Variants in FAT3 observed in about 807,000 individuals in gnomAD.
The protein encoded by FAT3 is protocadherin Fat 3.
In FAT3, 95 loss-of-function variants were observed where a neutral mutation model predicts 310.2. The ratio of observed to expected loss-of-function variants is 0.31; its 90% CI spans 0.26 to 0.36. FAT3 has a LOEUF of 0.36. FAT3 is among the 10% of genes least tolerant of loss of function. The pLI is 1.00. For synonymous variants in FAT3, 2,314 were observed against 2,192.9 expected (o/e 1.06, Z -1.54); for missense variants, 5,408 against 5,715.6 (o/e 0.95, Z 1.74).
At chr11:92,489,514 G>A (rs932984520) in intron 2 of FAT3, among the ~76,000 whole-genome samples, 1 of 152,002 alleles carries the variant, frequency 6.6e-6, no homozygotes, top group Admixed American at 6.6e-5. Context: ...GCCTCTATAC[G>A]ATAGTTTGTT....
At chr11:92,632,261 G>A (rs756348939) in intron 3 of FAT3, among the ~76,000 whole-genome samples, 15 of 152,072 alleles carry the variant, frequency 9.9e-5, no homozygotes, top group Non-Finnish European at 1.9e-4. Flanking sequence ...GGCACAGTAT[G>A]GATAATTTAA....
At chr11:92,727,793 C>T (rs1945042608) in intron 4 of FAT3, among the ~76,000 whole-genome samples, 1 of 152,220 alleles carries the variant, frequency 6.6e-6, no homozygotes, top group Non-Finnish European at 1.5e-5. Flanking sequence ...CCATGTGCTT[C>T]TCTCTCACGG....
intron 3 of FAT3, among the ~76,000 whole-genome samples, chr11:92,594,390 C>T (rs150645451): frequency 0.016 from 2,381 of 152,212 alleles, 60 homozygotes; most frequent in African/African-American, 0.054. Flanking sequence ...TGCAGTGAGC[C>T]AAGATTGCAC....
At chr11:92,594,359 C>A (rs1939596360) in intron 3 of FAT3, among the ~76,000 whole-genome samples, 1 of 152,152 alleles carries the variant, frequency 6.6e-6, no homozygotes, top group African/African-American at 2.4e-5. Flanking sequence ...AGGAGAATCA[C>A]TGAACCCAGG....
intron 3 of FAT3, among the ~76,000 whole-genome samples, chr11:92,630,213 C>T (rs1278443737): frequency 3.3e-5 from 5 of 152,154 alleles, no homozygotes; most frequent in Admixed American, 6.5e-5. Flanking sequence ...CTTTGGAATT[C>T]CTTGCCCCTT....
intron 22 of FAT3, among the ~76,000 whole-genome samples, chr11:92,879,044 T>C (rs1949608525): frequency 6.6e-6 from 1 of 151,334 alleles, no homozygotes; most frequent in Admixed American, 6.6e-5. Flanking sequence ...TCCAAGATGT[T>C]AAAGAGAGGG....
At chr11:92,850,783 A>G (rs1179026402) in intron 19 of FAT3, among the ~76,000 whole-genome samples, 4 of 152,228 alleles carry the variant, frequency 2.6e-5, no homozygotes, top group Non-Finnish European at 4.4e-5. Context: ...GACTTAATCC[A>G]GGGGGCTGCG....
In FAT3 at chr11:92,805,229, C is replaced by T. The variant is rs2136199296; in HGVS notation, c.8973C>T (p.Asp2991=). 1 of 1,613,854 alleles carries T rather than the reference C, an allele frequency of 6.2e-7. No individual in the cohort carries two copies. Among genetic ancestry groups the T allele is most frequent in the South Asian group, 1.1e-5 (1 of 91,072 alleles). Residue 2991 remains aspartate (D), a synonymous_variant, in exon 11 of 28, where the codon GAC becomes GAT. Transcript: ENST00000525166. ...AGGTCTATGTGAAGAGGCCTCTAGA[C>T]AGAGAAGAACAGGACATTTACTTTC... ...EWKVYVKRPL[D]REEQDIYFLN... is the part of the protein sequence containing the mutation.
intron 3 of FAT3, among the ~76,000 whole-genome samples, chr11:92,626,392 G>A (rs962650803): frequency 6.6e-6 from 1 of 151,900 alleles, no homozygotes; most frequent in Admixed American, 6.6e-5. Flanking sequence ...ATAATTTAAT[G>A]TACCAATTTT....
rs1157297135 is a variant in FAT3, at chr11:92,890,859, G to A, written c.13516G>A (p.Val4506Met). ...CCCATTCCCCAACGAAACGGATTTGGTGGGCCCGCCTGCCAGCTGTGAATT... is the reference window on the plus strand; with the variant it reads ...CCCATTCCCCAACGAAACGGATTTGATGGGCCCGCCTGCCAGCTGTGAATT... ...PHPFPNETDL[V>M]GPPASCEFST... The change falls in exon 28 of 28, where the codon GTG (valine) becomes ATG (methionine). Residue 4506 changes from valine (V) to methionine (M), a missense_variant. By Grantham distance (21) the Val-to-Met change is conservative (BLOSUM62 1). Coordinates refer to ENST00000525166, the MANE Select transcript of FAT3 (RefSeq NM_001367949.2). 1 of 1,612,476 alleles carries A rather than the reference G, an allele frequency of 6.2e-7. No homozygotes were observed. Among genetic ancestry groups the A allele is most frequent in the African/African-American group, 1.3e-5 (1 of 74,436 alleles).
At chr11:92,691,890 A>G (rs1032537389) in intron 3 of FAT3, among the ~76,000 whole-genome samples, 1 of 152,338 alleles carries the variant, frequency 6.6e-6, no homozygotes, top group South Asian at 2.1e-4. Flanking sequence ...TTCTTAGACT[A>G]TATGATATCT....
chr11:92,751,879 G>C (rs1417610447), intron 4 of FAT3, among the ~76,000 whole-genome samples: 1 of 152,134 alleles, frequency 6.6e-6, no homozygotes, highest in Admixed American at 6.6e-5. Context: ...GAATGGCCTT[G>C]AGAATATTCT....
At position 92,801,239 on chromosome 11, in the gene FAT3, A is replaced by G. The variant is rs777313294; in HGVS notation, c.8226A>G (p.Thr2742=). The part of the protein sequence containing the change: ...ILPSQNVWFS[T]VNGERPENNK... ...CCAGTCAGAATGTCTGGTTCAGCACAGTTAATGGGGAACGGCCAGAAAATA... is the reference window on the plus strand; with the variant it reads ...CCAGTCAGAATGTCTGGTTCAGCACGGTTAATGGGGAACGGCCAGAAAATA... Residue 2742 remains threonine (T), a synonymous_variant, in exon 10 of 28, where the codon ACA becomes ACG. Coordinates refer to ENST00000525166, the MANE Select transcript of FAT3 (RefSeq NM_001367949.2). The G allele has an allele frequency of 6.2e-7, 1 of 1,613,910 alleles. No individual in the cohort carries two copies. Among genetic ancestry groups the G allele is most frequent in the South Asian group, 1.1e-5 (1 of 91,066 alleles).
At chr11:92,824,787 T>C (rs74527089) in intron 13 of FAT3, among the ~76,000 whole-genome samples, 24 of 152,160 alleles carry the variant, frequency 1.6e-4, no homozygotes, top group Non-Finnish European at 2.8e-4. Context: ...CTTTTTTTTT[T>C]CCACAAAACT....
At chr11:92,286,035 C>T (rs1305205767) in intron 1 of FAT3, among the ~76,000 whole-genome samples, 1 of 152,068 alleles carries the variant, frequency 6.6e-6, no homozygotes, top group Non-Finnish European at 1.5e-5. Flanking sequence ...GTAAAAACTG[C>T]TGCTTAAAAC....
At position 92,272,307 on chromosome 11, in the gene FAT3, C is replaced by A. The variant is rs148134466; in HGVS notation, c.-18+47133C>A. 2.6e-5 allele frequency among the ~76,000 whole-genome samples: 4 copies of A among 152,158 alleles called. No homozygotes were observed. In the East Asian group the frequency reaches 7.8e-4, roughly 30 times the overall value. Reference sequence around the variant, plus strand: ...AATCAAGCACATAAGGCCGAGTGGGCTATGCCAATTTCTGGTTAAGGATTC... The same window carrying A: ...AATCAAGCACATAAGGCCGAGTGGGATATGCCAATTTCTGGTTAAGGATTC... On this transcript the variant is annotated intron_variant, in intron 1 of 27. Transcript: ENST00000525166.
chr11:92,496,322 T>C (rs1193793720), intron 2 of FAT3, among the ~76,000 whole-genome samples: 1 of 151,992 alleles, frequency 6.6e-6, no homozygotes, highest in Non-Finnish European at 1.5e-5. Context: ...ATAAACCTTC[T>C]CCATCTGTGC....
intron 1 of FAT3, among the ~76,000 whole-genome samples, chr11:92,308,478 GA>G (rs1175408850): frequency 2.0e-5 from 3 of 151,924 alleles, no homozygotes; most frequent in Admixed American, 6.6e-5. Flanking sequence ...CAAAACCAGA[GA>G]AAAAAATACT....
intron 2 of FAT3, among the ~76,000 whole-genome samples, chr11:92,467,466 C>T (rs926308965): frequency 6.6e-6 from 1 of 152,174 alleles, no homozygotes; most frequent in Admixed American, 6.5e-5. Flanking sequence ...GTTAGCCCTT[C>T]TTCAGTCCCT....
Sources: allele counts gnomAD v4.1 joint callset (sites outside exome capture counted in the v4.1 genomes callset), GRCh38; gene constraint gnomAD v4.1.1; transcripts MANE v1.5; gene names NCBI Gene and HGNC (gene_info 2026-07-23, HGNC 2026-07-21).